The following FAM120B variants were observed in gnomAD, a reference collection of about 807,000 sequenced individuals.
FAM120B encodes the protein family with sequence similarity 120 member B.
In FAM120B, 83 loss-of-function variants were observed where a neutral mutation model predicts 96.3. The ratio of observed to expected loss-of-function variants is 0.86; its 90% CI spans 0.72 to 1.03. The LOEUF is 1.03. Among genes scored for constraint, FAM120B ranks in the 50% least tolerant of loss-of-function variants. The pLI, the probability that FAM120B is intolerant of heterozygous loss-of-function variation, is 0.00. For missense variants in FAM120B, 1,027 were observed against 1,121.2 expected (o/e 0.92, Z 1.20); for synonymous variants, 407 against 402.7 (o/e 1.01, Z -0.13).
At chr6:170,340,959 G>A (rs151210306) in intron 4 of FAM120B, among the ~76,000 whole-genome samples, 143 of 152,324 alleles carry the variant, frequency 9.4e-4, no homozygotes, top group African/African-American at 3.2e-3. Flanking sequence ...CAGGAGGCAC[G>A]GGGATGAGGG....
intron 1 of FAM120B, among the ~76,000 whole-genome samples, chr6:170,301,732 T>C (rs1784145999): frequency 6.6e-6 from 1 of 152,340 alleles, no homozygotes; most frequent in South Asian, 2.1e-4. Flanking sequence ...TTCTCTTTGC[T>C]AAAGCATAGC....
chr6:170,320,906 C>T (rs906401671), intron 2 of FAM120B, among the ~76,000 whole-genome samples: 1 of 152,152 alleles, frequency 6.6e-6, no homozygotes, highest in Admixed American at 6.5e-5. Flanking sequence ...TCACATGCTA[C>T]AGAGGTAAAG....
At chr6:170,392,769 A>G (rs1790540817) in intron 8 of FAM120B, among the ~76,000 whole-genome samples, 1 of 152,166 alleles carries the variant, frequency 6.6e-6, no homozygotes, top group Non-Finnish European at 1.5e-5. Context: ...AGATGCACCC[A>G]GATCCCACCA....
chr6:170,336,458 T>C (rs1328214566), intron 4 of FAM120B, among the ~76,000 whole-genome samples: 1 of 152,206 alleles, frequency 6.6e-6, no homozygotes, highest in Non-Finnish European at 1.5e-5. Context: ...TAGTTTGAAG[T>C]CAGGTAGCGT....
At chr6:170,379,786 A>G (rs977151817) in intron 6 of FAM120B, among the ~76,000 whole-genome samples, 3 of 152,234 alleles carry the variant, frequency 2.0e-5, no homozygotes, top group Non-Finnish European at 4.4e-5. Context: ...ATAAAGATTG[A>G]TAATACAAAA....
intron 7 of FAM120B, among the ~76,000 whole-genome samples, chr6:170,389,239 A>G (rs1031291178): frequency 3.9e-5 from 6 of 152,282 alleles, no homozygotes; most frequent in Middle Eastern, 3.4e-3. Context: ...TGTCTCATAT[A>G]CTCCTTATAC....
chr6:170,293,154 A>G (rs1783923100), upstream of FAM120B, among the ~76,000 whole-genome samples: 1 of 152,102 alleles, frequency 6.6e-6, no homozygotes, highest in Admixed American at 6.5e-5. Flanking sequence ...CCTAAGGCAC[A>G]GGAGCTGTTC....
chr6:170,327,984 T>A (rs1317610188), intron 3 of FAM120B, among the ~76,000 whole-genome samples: 2 of 152,258 alleles, frequency 1.3e-5, no homozygotes, highest in Non-Finnish European at 2.9e-5. Flanking sequence ...GACCATACAC[T>A]GCTGTAGGTT....
At chr6:170,350,764 C>A (rs1787521717) in intron 5 of FAM120B, among the ~76,000 whole-genome samples, 1 of 152,220 alleles carries the variant, frequency 6.6e-6, no homozygotes, top group Non-Finnish European at 1.5e-5. Flanking sequence ...CCCACCAAAA[C>A]CTCATTCAAA....
At chr6:170,354,342 A>T (rs537024832) in intron 5 of FAM120B, among the ~76,000 whole-genome samples, 2 of 152,334 alleles carry the variant, frequency 1.3e-5, no homozygotes, top group East Asian at 3.9e-4. Context: ...AGGCAATACC[A>T]TTCAGAACAT....
intron 3 of FAM120B, among the ~76,000 whole-genome samples, chr6:170,329,762 C>T (rs1362726790): frequency 1.3e-5 from 2 of 152,144 alleles, no homozygotes; most frequent in African/African-American, 4.8e-5. Context: ...TTTTGTGCTA[C>T]ATTAAGGGGA....
chr6:170,382,837 G>A (rs1279396912), intron 6 of FAM120B, among the ~76,000 whole-genome samples: 5 of 152,066 alleles, frequency 3.3e-5, no homozygotes, highest in East Asian at 1.9e-4. Context: ...TAAAAGTCAC[G>A]AAAATAATCT....
intron 4 of FAM120B, among the ~76,000 whole-genome samples, chr6:170,337,335 T>G (rs531953050): frequency 6.6e-6 from 1 of 152,232 alleles, no homozygotes; most frequent in Admixed American, 6.5e-5. Flanking sequence ...ATTACGCTTA[T>G]TAATTTGCAT....
At chr6:170,367,305 G>A (rs1583276171) in intron 6 of FAM120B, among the ~76,000 whole-genome samples, 1 of 152,260 alleles carries the variant, frequency 6.6e-6, no homozygotes. Flanking sequence ...AGTGAAGCCT[G>A]TGAGCTAAGA....
intron 6 of FAM120B, among the ~76,000 whole-genome samples, chr6:170,376,505 G>A (rs1255936838): frequency 6.6e-6 from 1 of 151,976 alleles, no homozygotes; most frequent in Non-Finnish European, 1.5e-5. Context: ...GGGCAGCGGG[G>A]CGTTAGAGGA....
At chr6:170,400,422 A>G (rs913851508) in intron 9 of FAM120B, among the ~76,000 whole-genome samples, 5 of 152,130 alleles carry the variant, frequency 3.3e-5, no homozygotes, top group Non-Finnish European at 4.4e-5. Context: ...GATAAGAGTC[A>G]CAGGCTTTTC....
intron 6 of FAM120B, among the ~76,000 whole-genome samples, chr6:170,383,200 C>T (rs1301944025): frequency 1.3e-5 from 2 of 151,948 alleles, no homozygotes; most frequent in Non-Finnish European, 2.9e-5. Context: ...AACTATTACA[C>T]TTTTGGGAAA....
intron 5 of FAM120B, among the ~76,000 whole-genome samples, chr6:170,353,250 T>C (rs1459939821): frequency 6.6e-6 from 1 of 152,006 alleles, no homozygotes; most frequent in East Asian, 1.9e-4. Context: ...AAGGCAATAA[T>C]AAATAGCTTA....
chr6:170,297,127 C>CA (rs1784032683), intron 1 of FAM120B, among the ~76,000 whole-genome samples: 1 of 152,240 alleles, frequency 6.6e-6, no homozygotes, highest in Admixed American at 6.5e-5. Flanking sequence ...CAGGGCCTGA[C>CA]ACAGCCTCTG....
Sources: gnomAD v4.1 joint callset for allele counts (sites outside exome capture counted in the v4.1 genomes callset) on GRCh38, gnomAD v4.1.1 for gene constraint, MANE v1.5 for transcripts, NCBI Gene and HGNC (gene_info 2026-07-23, HGNC 2026-07-21) for gene names.